The following AXDND1 variants were observed in gnomAD, a reference collection of about 807,000 sequenced individuals.
AXDND1 encodes the protein axonemal dynein light chain domain containing 1, also known as axonemal dynein light chain domain-containing protein 1.
A neutral mutation model predicts 137.5 loss-of-function variants in AXDND1; 110 were observed. That is an observed-to-expected ratio of 0.80 (90% CI 0.69 to 0.94). AXDND1 has a LOEUF of 0.94. AXDND1 is among the 40% of genes least tolerant of loss of function. AXDND1 has a pLI of 0.00. For synonymous variants in AXDND1, 414 were observed against 399.7 expected (o/e 1.04, Z -0.43); for missense variants, 1,191 against 1,169.8 (o/e 1.02, Z -0.26).
chr1:179,411,439 G>A (rs1653861303), intron 12 of AXDND1, among the ~76,000 whole-genome samples, 173 bp downstream of exon 12: 2 of 152,040 alleles, frequency 1.3e-5, no homozygotes, highest in African/African-American at 4.8e-5. Flanking sequence ...CTGACTCTTG[G>A]GTTCAAGCAA....
At chr1:179,514,618 T>C (rs765306301) in intron 21 of AXDND1, among the ~76,000 whole-genome samples, 6 of 152,174 alleles carry the variant, frequency 3.9e-5, no homozygotes, top group Non-Finnish European at 8.8e-5. Context: ...ATTGTTTCTT[T>C]GTTGACTTTT....
intron 16 of AXDND1, chr1:179,449,222 C>T (rs1400036881): frequency 1.7e-5 from 7 of 415,224 alleles, no homozygotes; most frequent in Non-Finnish European, 3.4e-5. Context: ...AGGTAAGGCT[C>T]TAATTTCATT....
intron 11 of AXDND1, among the ~76,000 whole-genome samples, chr1:179,396,526 T>A (rs1429726208): frequency 3.9e-5 from 6 of 151,916 alleles, no homozygotes; most frequent in African/African-American, 1.2e-4. Flanking sequence ...CACGTACCTG[T>A]AGTCCCAGCT....
chr1:179,368,613 G>A (rs1667708589), intron 2 of AXDND1, among the ~76,000 whole-genome samples, 187 bp from the exon 3 acceptor site: 1 of 152,178 alleles, frequency 6.6e-6, no homozygotes, highest in Non-Finnish European at 1.5e-5. Flanking sequence ...GGGTAGGCAA[G>A]ATGAATGTTA....
At chr1:179,374,074 A>G (rs898264703) in intron 4 of AXDND1, among the ~76,000 whole-genome samples, 3 of 152,186 alleles carry the variant, frequency 2.0e-5, no homozygotes, top group African/African-American at 7.2e-5. Flanking sequence ...TTTGCAATCT[A>G]CCCATCTGAC....
At chr1:179,383,729 T>G (rs1648757033) in intron 8 of AXDND1, among the ~76,000 whole-genome samples, 185 bp downstream of exon 8, 1 of 152,190 alleles carries the variant, frequency 6.6e-6, no homozygotes, top group Non-Finnish European at 1.5e-5. Flanking sequence ...CTCATAGGGT[T>G]TTTGTGGAGA....
chr1:179,366,364 CTTTTTTT>C, intron 1 of AXDND1, 33 bp from the exon 2 acceptor site: 1 of 492,216 alleles, frequency 2.0e-6, no homozygotes. Context: ...TAGTTGTCAT[CTTTTTTT>C]TTTTTTTTAA....
chr1:179,500,337 ATGTG>A (rs57654195), intron 20 of AXDND1, among the ~76,000 whole-genome samples: 29,402 of 133,574 alleles, frequency 0.22, 2,991 homozygotes, highest in Non-Finnish European at 0.23. Flanking sequence ...AGGGTACATT[ATGTG>A]TGTGTGTGTG....
chr1:179,462,456 T>G (rs868335676), intron 16 of AXDND1, among the ~76,000 whole-genome samples: 3 of 151,790 alleles, frequency 2.0e-5, no homozygotes, highest in Middle Eastern at 3.4e-3. Context: ...GCCAGTATTT[T>G]ATTGAGGATT....
At chr1:179,413,985 C>A (rs570310160) in intron 12 of AXDND1, among the ~76,000 whole-genome samples, 66 of 151,872 alleles carry the variant, frequency 4.3e-4, no homozygotes, top group African/African-American at 1.5e-3. Flanking sequence ...ACTATTATTT[C>A]CTGATAAAGC....
intron 25 of AXDND1, among the ~76,000 whole-genome samples, chr1:179,550,160 G>T (rs1453786546): frequency 6.6e-6 from 1 of 152,126 alleles, no homozygotes; most frequent in African/African-American, 2.4e-5. Flanking sequence ...TGTTAGTAAT[G>T]TTTTATAATG....
chr1:179,478,166 C>T (rs779990214), intron 17 of AXDND1, among the ~76,000 whole-genome samples: 26 of 152,292 alleles, frequency 1.7e-4, no homozygotes, highest in African/African-American at 1.2e-4. Flanking sequence ...GCACACGGTG[C>T]ATGCTGTTGG....
intron 12 of AXDND1, among the ~76,000 whole-genome samples, chr1:179,425,615 G>A (rs1656429915): frequency 6.6e-6 from 1 of 152,098 alleles, no homozygotes; most frequent in African/African-American, 2.4e-5. Context: ...TCAACATGAT[G>A]AGGAAGCTTG....
intron 9 of AXDND1, among the ~76,000 whole-genome samples, chr1:179,386,368 T>C (rs1649229272): frequency 6.6e-6 from 1 of 152,276 alleles, no homozygotes; most frequent in African/African-American, 2.4e-5. Flanking sequence ...TTCTTTACCA[T>C]TGCTTTTGAG....
At chr1:179,472,673 C>T (rs1664105353) in intron 17 of AXDND1, among the ~76,000 whole-genome samples, 1 of 151,920 alleles carries the variant, frequency 6.6e-6, no homozygotes, top group South Asian at 2.1e-4. Context: ...ATTTTTGGTA[C>T]TTTGTTATTA....
chr1:179,447,445 GTGT>G, intron 16 of AXDND1: 1 of 414,842 alleles, frequency 2.4e-6, no homozygotes, highest in Non-Finnish European at 4.3e-6. Context: ...ATTTAAGATA[GTGT>G]TGTCCCTTCA....
rs185697737 is a variant in AXDND1, at chr1:179,416,831, C to G, written c.1230+5565C>G. On this transcript the variant is annotated intron_variant, in intron 12 of 25. Transcript: ENST00000367618. ...AGAGATCTACCTGTCTTGTGGCTACCCTAGACAATGCTTCTGTTAGTTTCC... is the reference window on the plus strand; with the variant it reads ...AGAGATCTACCTGTCTTGTGGCTACGCTAGACAATGCTTCTGTTAGTTTCC... Among the ~76,000 whole-genome samples the G allele has an allele frequency of 1.1e-3, 175 of 152,262 alleles. 1 individual carries two copies. The highest frequency in any genetic ancestry group is 4.0e-3 in the African/African-American group (167 of 41,534).
chr1:179,409,594 T>A (rs1342292427), intron 11 of AXDND1, among the ~76,000 whole-genome samples: 1 of 152,150 alleles, frequency 6.6e-6, no homozygotes, highest in Non-Finnish European at 1.5e-5. Flanking sequence ...AAGAATATGA[T>A]GTTTAGCCAG....
chr1:179,518,520 T>C (rs1280231478), intron 21 of AXDND1, among the ~76,000 whole-genome samples: 1 of 152,146 alleles, frequency 6.6e-6, no homozygotes, highest in Non-Finnish European at 1.5e-5. Flanking sequence ...TAGCTGTTTT[T>C]CTTGATCCTC....
Sources: allele counts gnomAD v4.1 joint callset (sites outside exome capture counted in the v4.1 genomes callset), GRCh38; gene constraint gnomAD v4.1.1; transcripts MANE v1.5; gene names NCBI Gene and HGNC (gene_info 2026-07-23, HGNC 2026-07-21).